Variants in TEX11 observed in about 807,000 individuals in gnomAD.
TEX11 encodes testis-expressed protein 11.
A neutral mutation model predicts 84.4 loss-of-function variants in TEX11; 7 were observed. The observed-to-expected ratio is 0.08, with a 90% CI of 0.05 to 0.16. The LOEUF (loss-of-function observed/expected upper bound fraction) is 0.16. Ranked by LOEUF, TEX11 falls within the 10% of genes least tolerant of loss-of-function variation. The pLI, the probability that TEX11 is intolerant of heterozygous loss-of-function variation, is 1.00. For synonymous variants in TEX11, 264 were observed against 222.8 expected, an observed-to-expected ratio of 1.18 and a Z score of -1.64; for missense variants, 551 against 660.5, an observed-to-expected ratio of 0.83 and a Z score of 1.82.
intron 2 of TEX11, among the ~76,000 whole-genome samples, chrX:70,894,611 C>T (rs1441895334): frequency 1.9e-5 from 2 of 105,934 alleles, no homozygotes; most frequent in African/African-American, 3.5e-5. Flanking sequence ...GGCGACAGAG[C>T]GAGACTCCGT....
intron 9 of TEX11, among the ~76,000 whole-genome samples, chrX:70,787,685 C>T (rs1016956074): frequency 9.0e-6 from 1 of 110,795 alleles, no homozygotes; most frequent in African/African-American, 3.3e-5. Flanking sequence ...AGCAATTAAG[C>T]AAAAGAAAGA....
intron 5 of TEX11, among the ~76,000 whole-genome samples, chrX:70,855,441 C>T (rs1010149968): frequency 2.7e-5 from 3 of 109,850 alleles, no homozygotes; most frequent in African/African-American, 9.9e-5. Context: ...TGGTGCATGC[C>T]TGTAGCCCCA....
chrX:70,663,768 T>G (rs1006947347), intron 16 of TEX11, among the ~76,000 whole-genome samples: 8 of 111,994 alleles, frequency 7.1e-5, no homozygotes, highest in African/African-American at 2.6e-4. Context: ...GAATGAGTAT[T>G]GCTTTCATAC....
intron 17 of TEX11, among the ~76,000 whole-genome samples, chrX:70,641,056 T>C (rs998097616): frequency 1.5e-4 from 17 of 110,271 alleles, no homozygotes; most frequent in Non-Finnish European, 2.7e-4. Flanking sequence ...AGGCTCAAAA[T>C]AAAAGGATGG....
Position 70,629,641 on chromosome X carries a change from A to G in TEX11, c.1578T>C (p.Leu526=). The G allele has an allele frequency of 8.3e-7, 1 of 1,209,478 alleles. No homozygotes were observed. Among genetic ancestry groups the G allele is most frequent in the Non-Finnish European group, 1.1e-6 (1 of 893,804 alleles). ...LVAERGSPTM[L]LSLAAQFALE... ...GAGCAAACTGGGCAGCTAAACTTAG[A>G]AGCATGGTAGGTGAACCTCTCTCTG... The change falls in exon 18 of 30, where the codon CTT becomes CTC. Residue 526 remains leucine, a synonymous_variant. Transcript: ENST00000374333.
intron 17 of TEX11, among the ~76,000 whole-genome samples, chrX:70,634,599 A>G (rs2089547913): frequency 9.2e-6 from 1 of 108,244 alleles, no homozygotes; most frequent in Admixed American, 9.8e-5. Flanking sequence ...AGAGTCCAGA[A>G]AGAGATCCAC....
Position 70,833,107 on chromosome X carries a change from T to C in TEX11, c.606+406A>G, listed in dbSNP as rs748441826. Among the ~76,000 whole-genome samples, 11 of 108,467 alleles carry C rather than the reference T, an allele frequency of 1.0e-4. No individual in the cohort carries two copies. The East Asian group carries it at 2.3e-3, about 23-fold the overall frequency. 94.2% of individuals were successfully genotyped at this position (108,467 alleles called of 115,157 possible). The stretch of plus-strand genomic sequence containing the variant: ...CAACATAGCAAAACCCTGTCTGTAC[T>C]AAAAATACAAAAAGTAGCCAGGTGT... On this transcript the variant is annotated intron_variant, in intron 8 of 29. Transcript: ENST00000374333.
intron 9 of TEX11, among the ~76,000 whole-genome samples, chrX:70,762,684 T>C (rs775883515): frequency 9.0e-6 from 1 of 111,063 alleles, no homozygotes; most frequent in Non-Finnish European, 1.9e-5. Context: ...ATGGAAAAAC[T>C]GTCTTCCACG....
chrX:70,838,315 C>G (rs186207043), intron 7 of TEX11, among the ~76,000 whole-genome samples: 1 of 110,975 alleles, frequency 9.0e-6, no homozygotes, highest in African/African-American at 3.3e-5. Flanking sequence ...GCTAGCTACT[C>G]GGGAGGCTGA....
At position 70,552,222 on chromosome X, in the gene TEX11, G is replaced by T; in HGVS notation, c.2424C>A (p.Asn808Lys). 1 of 1,209,348 alleles carries T rather than the reference G, an allele frequency of 8.3e-7. No homozygotes were observed. Among genetic ancestry groups the T allele is most frequent in the Non-Finnish European group, 1.1e-6 (1 of 894,652 alleles). ...QYSKCMHNLV[N>K]LSVPDGASNV... ...TCGACGCCCCATCTGGCACTGAGAG[G>T]TTAACCAAGTTGTGCATACATTTGC... is the stretch of plus-strand genomic sequence containing the variant. The change falls in exon 28 of 30, where the codon AAC (asparagine) becomes AAA (lysine). Residue 808 changes from asparagine to lysine, a missense_variant. Physicochemically the swap from Asn to Lys is moderately conservative, Grantham distance 94 (BLOSUM62 0). Coordinates refer to ENST00000374333, the MANE Select transcript of TEX11 (RefSeq NM_031276.3).
chrX:70,743,871 AACACACACACACACAC>A (rs60520158), intron 10 of TEX11, among the ~76,000 whole-genome samples: 13 of 87,720 alleles, frequency 1.5e-4, no homozygotes, highest in Non-Finnish European at 2.3e-4. Context: ...TCTATCTCAA[AACACACACACACACAC>A]ACACACACAC....
rs995107735 is a variant in TEX11, at chrX:70,860,851, A to G, written c.324+6T>C. 1.7e-6 allele frequency: 2 copies of G among 1,165,988 alleles called. No homozygotes were observed. ...CATCTCCACTTTCTCCTAAATTAAG[A>G]CTTACCATAATCAGTCGTTGAATAC... On this transcript the variant is annotated splice_donor_region_variant and intron_variant, in intron 5 of 29. Coordinates refer to ENST00000374333, the MANE Select transcript of TEX11 (RefSeq NM_031276.3).
At chrX:70,539,038 A>ATATATATATATATATATATATATATT in intron 28 of TEX11, among the ~76,000 whole-genome samples, 1 of 41,243 alleles carries the variant, frequency 2.4e-5, no homozygotes, top group Admixed American at 5.4e-4. Context: ...ATATATATAT[A>ATATATATATATATATATATATATATT]TTTTTTTTTT....
At chrX:70,696,510 G>C (rs2090281857) in intron 13 of TEX11, among the ~76,000 whole-genome samples, 2 of 112,016 alleles carry the variant, frequency 1.8e-5, no homozygotes, top group Non-Finnish European at 3.8e-5. Context: ...GCTCATGTCT[G>C]TAATTCTAAC....
intron 20 of TEX11, among the ~76,000 whole-genome samples, chrX:70,611,637 C>T (rs916842653): frequency 1.8e-5 from 2 of 111,559 alleles, no homozygotes; most frequent in African/African-American, 6.5e-5. Context: ...CTTAACAAGT[C>T]TTGCCCTCAA....
intron 25 of TEX11, among the ~76,000 whole-genome samples, chrX:70,567,018 T>C (rs1399305153): frequency 8.9e-6 from 1 of 111,749 alleles, no homozygotes; most frequent in Non-Finnish European, 1.9e-5. Context: ...AATTCGGCTG[T>C]GAATCCATCT....
chrX:70,718,029 A>G (rs1173046789), intron 13 of TEX11, among the ~76,000 whole-genome samples: 1 of 112,275 alleles, frequency 8.9e-6, no homozygotes, highest in Non-Finnish European at 1.9e-5. Flanking sequence ...CCAATATGTC[A>G]GTGTCCACAT....
chrX:70,794,506 C>T (rs1423778269), intron 9 of TEX11, among the ~76,000 whole-genome samples: 1 of 109,988 alleles, frequency 9.1e-6, no homozygotes, highest in Non-Finnish European at 1.9e-5. Context: ...AAGGGAGTGC[C>T]TACCCTGCCC....
intron 25 of TEX11, among the ~76,000 whole-genome samples, chrX:70,573,091 G>A (rs1229361676): frequency 2.7e-5 from 3 of 111,518 alleles, no homozygotes; most frequent in Non-Finnish European, 3.8e-5. Context: ...CAGGGAGATT[G>A]GACTGACATT....
Sources: allele counts gnomAD v4.1 joint callset (sites outside exome capture counted in the v4.1 genomes callset), GRCh38; gene constraint gnomAD v4.1.1; transcripts MANE v1.5; gene names NCBI Gene and HGNC (gene_info 2026-07-23, HGNC 2026-07-21).